PTPRD: variants seen among roughly 807,000 people sequenced by gnomAD.
PTPRD encodes the protein protein tyrosine phosphatase receptor type D.
A neutral mutation model predicts 214.5 loss-of-function variants in PTPRD; 34 were observed. The observed-to-expected ratio is 0.16, with a 90% CI of 0.12 to 0.21. The LOEUF (loss-of-function observed/expected upper bound fraction) is 0.21. PTPRD is among the 10% of genes least tolerant of loss of function. PTPRD has a pLI of 1.00. For missense variants in PTPRD, 2,545 were observed against 2,398.7 expected (o/e 1.06, Z -1.27); for synonymous variants, 1,128 against 845.7 (o/e 1.33, Z -5.79).
At chr9:9,461,265 C>T (rs564285688) in intron 8 of PTPRD, among the ~76,000 whole-genome samples, 5 of 151,924 alleles carry the variant, frequency 3.3e-5, no homozygotes, top group Non-Finnish European at 7.4e-5. Context: ...GAAGCCCAAA[C>T]CCCAGCATTA....
chr9:10,436,625 A>G (rs940187555), intron 2 of PTPRD, among the ~76,000 whole-genome samples: 1 of 151,768 alleles, frequency 6.6e-6, no homozygotes, highest in African/African-American at 2.4e-5. Flanking sequence ...CCCTACACAT[A>G]TGTATATAAT....
chr9:9,580,015 G>T lies in PTPRD; in HGVS notation c.-286-5234C>A, dbSNP rs1334480531. On this transcript the variant is annotated intron_variant, in intron 7 of 45. Transcript: ENST00000381196. ...GATGACCTCCAGTTCCATCCATATT[G>T]CTGCAAAGACATGTTTCATCTTTTT... Among the ~76,000 whole-genome samples, 6 of 152,142 alleles carry T rather than the reference G, an allele frequency of 3.9e-5. No homozygotes were observed. The South Asian group carries it at 1.2e-3, about 32-fold the overall frequency.
intron 5 of PTPRD, among the ~76,000 whole-genome samples, chr9:9,813,903 A>G (rs2047941863): frequency 6.6e-6 from 1 of 152,140 alleles, no homozygotes; most frequent in Non-Finnish European, 1.5e-5. Flanking sequence ...TAAAAGGATC[A>G]TTCACAATGA....
intron 9 of PTPRD, among the ~76,000 whole-genome samples, chr9:9,220,491 G>T (rs1232443630): frequency 6.6e-6 from 1 of 151,884 alleles, no homozygotes; most frequent in African/African-American, 2.4e-5. Context: ...TTGTGCATTG[G>T]GGATATATTC....
At chr9:9,967,036 C>G (rs1349002796) in intron 4 of PTPRD, among the ~76,000 whole-genome samples, 1 of 152,136 alleles carries the variant, frequency 6.6e-6, no homozygotes, top group African/African-American at 2.4e-5. Context: ...ATGACAGGAT[C>G]TGACCTTAGG....
At chr9:8,657,774 C>T (rs1211740247) in intron 12 of PTPRD, among the ~76,000 whole-genome samples, 1 of 152,150 alleles carries the variant, frequency 6.6e-6, no homozygotes, top group Non-Finnish European at 1.5e-5. Flanking sequence ...TTTATATCCT[C>T]TGCAGAAATT....
intron 9 of PTPRD, among the ~76,000 whole-genome samples, chr9:9,302,150 G>A (rs1239560763): frequency 6.6e-6 from 1 of 151,912 alleles, no homozygotes; most frequent in Non-Finnish European, 1.5e-5. Context: ...AAGTCATCAA[G>A]TTGAGATAAA....
At chr9:9,490,681 A>T (rs2095856487) in intron 8 of PTPRD, among the ~76,000 whole-genome samples, 1 of 151,942 alleles carries the variant, frequency 6.6e-6, no homozygotes, top group South Asian at 2.1e-4. Flanking sequence ...TAAATTCAGG[A>T]TATAATTACC....
intron 11 of PTPRD, among the ~76,000 whole-genome samples, chr9:8,872,466 T>G (rs1214303446): frequency 6.6e-6 from 1 of 152,206 alleles, no homozygotes; most frequent in African/African-American, 2.4e-5. Context: ...ACTGGGAATA[T>G]GGAGCTTGTA....
intron 2 of PTPRD, among the ~76,000 whole-genome samples, chr9:10,530,362 A>T (rs1476795013): frequency 6.6e-6 from 1 of 152,202 alleles, no homozygotes; most frequent in East Asian, 1.9e-4. Flanking sequence ...AATTTACGAA[A>T]AAGTAAGAAA....
At chr9:9,281,997 A>G (rs1331501385) in intron 9 of PTPRD, among the ~76,000 whole-genome samples, 1 of 151,538 alleles carries the variant, frequency 6.6e-6, no homozygotes, top group East Asian at 2.0e-4. Context: ...AAGTGAAAGA[A>G]GCCAATCTGA....
At chr9:9,917,279 AT>A in intron 5 of PTPRD, among the ~76,000 whole-genome samples, 1 of 140,750 alleles carries the variant, frequency 7.1e-6, no homozygotes, top group Non-Finnish European at 1.6e-5. Flanking sequence ...AGAAGATGAA[AT>A]TGACAAGCCA....
At chr9:8,923,261 C>A (rs938447518) in intron 11 of PTPRD, among the ~76,000 whole-genome samples, 1 of 151,930 alleles carries the variant, frequency 6.6e-6, no homozygotes. Context: ...AGGCTGGTCT[C>A]GAACTCCTGA....
At chr9:10,281,402 A>T (rs1285895992) in intron 3 of PTPRD, among the ~76,000 whole-genome samples, 4 of 147,696 alleles carry the variant, frequency 2.7e-5, no homozygotes, top group Non-Finnish European at 5.9e-5. Context: ...ATGAGGTGAA[A>T]GGCAGCCAGC....
At chr9:8,639,066 C>G (rs973584103) in intron 12 of PTPRD, among the ~76,000 whole-genome samples, 1 of 152,142 alleles carries the variant, frequency 6.6e-6, no homozygotes, top group Non-Finnish European at 1.5e-5. Context: ...TGGTCTCGAT[C>G]TCGTCACCTC....
intron 2 of PTPRD, among the ~76,000 whole-genome samples, chr9:10,384,730 A>T (rs2097883727): frequency 6.6e-6 from 1 of 150,740 alleles, no homozygotes; most frequent in Non-Finnish European, 1.5e-5. Context: ...ACATGATGCA[A>T]ATTTAAAAAC....
intron 11 of PTPRD, among the ~76,000 whole-genome samples, chr9:8,846,947 G>A (rs1354882071): frequency 1.3e-5 from 2 of 152,140 alleles, no homozygotes; most frequent in African/African-American, 4.8e-5. Context: ...GAGCACAGAA[G>A]CAACTACGGT....
chr9:9,410,338 T>C (rs193093341), intron 8 of PTPRD, among the ~76,000 whole-genome samples: 2 of 152,232 alleles, frequency 1.3e-5, no homozygotes, highest in African/African-American at 2.4e-5. Flanking sequence ...AATGGAAATG[T>C]ATACCAAAAA....
intron 11 of PTPRD, among the ~76,000 whole-genome samples, chr9:8,790,598 T>C (rs2096190123): frequency 6.6e-6 from 1 of 152,128 alleles, no homozygotes; most frequent in Admixed American, 6.5e-5. Context: ...ACATCTACAA[T>C]GCTTTGTACG....
Sources: allele counts gnomAD v4.1 joint callset (sites outside exome capture counted in the v4.1 genomes callset), GRCh38; gene constraint gnomAD v4.1.1; transcripts MANE v1.5; gene names NCBI Gene and HGNC (gene_info 2026-07-23, HGNC 2026-07-21).